Variants in TENM2 observed in about 807,000 individuals in gnomAD.
The protein encoded by TENM2 is teneurin-2.
Under a neutral mutation model 245.2 loss-of-function variants are expected in TENM2, and 52 were observed. The ratio of observed to expected loss-of-function variants is 0.21; its 90% CI spans 0.17 to 0.27. The LOEUF (loss-of-function observed/expected upper bound fraction) is 0.27. Ranked by LOEUF, TENM2 falls within the 10% of genes least tolerant of loss-of-function variation. The pLI, the probability that TENM2 is intolerant of heterozygous loss-of-function variation, is 1.00. For missense variants in TENM2, 3,046 were observed against 3,666.8 expected, an observed-to-expected ratio of 0.83 and a Z score of 4.37; for synonymous variants, 1,363 against 1,438.9, an observed-to-expected ratio of 0.95 and a Z score of 1.19.
intron 2 of TENM2, among the ~76,000 whole-genome samples, chr5:167,661,773 C>T (rs1933068273): frequency 6.6e-6 from 1 of 152,234 alleles, no homozygotes; most frequent in South Asian, 2.1e-4. Flanking sequence ...CAAACCATGT[C>T]ACTGATAGCT....
chr5:166,991,230 G>A, the TENM2 span, among the ~76,000 whole-genome samples: 2 of 147,424 alleles, frequency 1.4e-5, no homozygotes, highest in African/African-American at 5.0e-5. Context: ...TTGATTCTGT[G>A]AGTTTGTATC....
At chr5:168,149,766 AT>A (rs1469258785) in intron 12 of TENM2, among the ~76,000 whole-genome samples, 1 of 152,214 alleles carries the variant, frequency 6.6e-6, no homozygotes, top group Non-Finnish European at 1.5e-5. Flanking sequence ...TTCACTCAGA[AT>A]AAAAGCAATA....
chr5:167,794,781 A>T (rs1765210829), intron 2 of TENM2, among the ~76,000 whole-genome samples: 1 of 152,210 alleles, frequency 6.6e-6, no homozygotes, highest in African/African-American at 2.4e-5. Flanking sequence ...TGCTAATGGG[A>T]ACTTAAAGCA....
At chr5:168,154,147 T>TAAAAAAAAAAAAAAAAAAAAAAAAAAAAA (rs70976465) in intron 12 of TENM2, among the ~76,000 whole-genome samples, 5 of 85,076 alleles carry the variant, frequency 5.9e-5, no homozygotes, top group Non-Finnish European at 1.3e-4. Context: ...TCACCTACTT[T>TAAAAAAAAAAAAAAAAAAAAAAAAAAAAA]AAAAAAAAAA....
intron 2 of TENM2, among the ~76,000 whole-genome samples, chr5:167,844,043 G>T (rs1477933290): frequency 6.6e-6 from 1 of 152,210 alleles, no homozygotes; most frequent in African/African-American, 2.4e-5. Context: ...TACATTGAAA[G>T]TATATGTTTC....
At chr5:167,087,826 G>A in the TENM2 span, among the ~76,000 whole-genome samples, 1 of 149,968 alleles carries the variant, frequency 6.7e-6, no homozygotes, top group Admixed American at 6.7e-5. Flanking sequence ...GTCTTGCTCT[G>A]TTGCCCAGGC....
At chr5:168,178,254 G>A (rs540560887) in intron 13 of TENM2, among the ~76,000 whole-genome samples, 5 of 152,200 alleles carry the variant, frequency 3.3e-5, no homozygotes, top group African/African-American at 4.8e-5. Context: ...GCCGGGCCTC[G>A]GCTGCACTGG....
the TENM2 span, among the ~76,000 whole-genome samples, chr5:167,241,993 G>A: frequency 6.6e-6 from 1 of 150,590 alleles, no homozygotes; most frequent in Non-Finnish European, 1.5e-5. Flanking sequence ...TTTTTTGTCT[G>A]CTTTGCTTGT....
the TENM2 span, among the ~76,000 whole-genome samples, chr5:167,072,630 A>G: frequency 6.6e-6 from 1 of 152,218 alleles, no homozygotes; most frequent in Non-Finnish European, 1.5e-5. Context: ...AATTTCTATG[A>G]AATAGGGGCT....
chr5:168,210,538 C>T (rs907749787), intron 19 of TENM2, among the ~76,000 whole-genome samples: 1 of 151,962 alleles, frequency 6.6e-6, no homozygotes, highest in Non-Finnish European at 1.5e-5. Context: ...CCTGACACAC[C>T]AGGCTTTGCA....
intron 2 of TENM2, among the ~76,000 whole-genome samples, chr5:167,811,739 G>A (rs1016719688): frequency 2.0e-5 from 3 of 152,108 alleles, no homozygotes; most frequent in Non-Finnish European, 4.4e-5. Flanking sequence ...ATGACCTTGA[G>A]CAGCAGGATA....
intron 2 of TENM2, among the ~76,000 whole-genome samples, chr5:167,425,514 T>C (rs1026629038): frequency 2.6e-5 from 4 of 152,230 alleles, no homozygotes; most frequent in Non-Finnish European, 5.9e-5. Context: ...AATCTCTCTC[T>C]TTAATCAAAC....
At chr5:167,469,206 C>T (rs1582134376) in intron 2 of TENM2, among the ~76,000 whole-genome samples, 1 of 151,978 alleles carries the variant, frequency 6.6e-6, no homozygotes, top group African/African-American at 2.4e-5. Context: ...AGGGATTAGT[C>T]CTAACGCTGC....
At chr5:167,659,009 C>A (rs1755032461) in intron 2 of TENM2, among the ~76,000 whole-genome samples, 1 of 152,190 alleles carries the variant, frequency 6.6e-6, no homozygotes. Context: ...ACATTACACT[C>A]TTTTCAAATA....
intron 1 of TENM2, among the ~76,000 whole-genome samples, chr5:167,346,685 C>A (rs1248713583): frequency 6.6e-6 from 1 of 152,162 alleles, no homozygotes; most frequent in East Asian, 1.9e-4. Flanking sequence ...CCATAAGCCT[C>A]CTGGGTCAGA....
chr5:167,623,297 G>A (rs1296054391), intron 2 of TENM2, among the ~76,000 whole-genome samples: 1 of 152,112 alleles, frequency 6.6e-6, no homozygotes, highest in East Asian at 1.9e-4. Context: ...TCAGCAACAT[G>A]ATTTTGACAG....
intron 12 of TENM2, among the ~76,000 whole-genome samples, chr5:168,150,509 T>C (rs1431620891): frequency 1.3e-5 from 2 of 152,172 alleles, no homozygotes; most frequent in Non-Finnish European, 2.9e-5. Flanking sequence ...GCTTTAGAAA[T>C]CCCATTTTGT....
At chr5:167,122,012 A>G in the TENM2 span, among the ~76,000 whole-genome samples, 1 of 152,334 alleles carries the variant, frequency 6.6e-6, no homozygotes, top group Non-Finnish European at 1.5e-5. Flanking sequence ...GGTAGGAAAT[A>G]GCTATAGCTA....
the TENM2 span, among the ~76,000 whole-genome samples, chr5:167,088,585 C>G: frequency 4.0e-5 from 6 of 151,728 alleles, no homozygotes; most frequent in African/African-American, 7.3e-5. Flanking sequence ...AGAGATCGGG[C>G]CACTGCACTC....
Sources: gnomAD v4.1 joint callset for allele counts (sites outside exome capture counted in the v4.1 genomes callset) on GRCh38, gnomAD v4.1.1 for gene constraint, MANE v1.5 for transcripts, NCBI Gene and HGNC (gene_info 2026-07-23, HGNC 2026-07-21) for gene names.